Variants in CCDC38 observed in about 807,000 individuals in gnomAD.
The protein encoded by CCDC38 is coiled-coil domain containing 38.
In CCDC38, 69 loss-of-function variants were observed where a neutral mutation model predicts 72.8. That is an observed-to-expected ratio of 0.95 (90% CI 0.78 to 1.16). The LOEUF (loss-of-function observed/expected upper bound fraction) is 1.16. Ranked by LOEUF, CCDC38 falls within the 50% of genes most tolerant of loss-of-function variation. CCDC38 has a pLI of 0.00. For synonymous variants in CCDC38, 201 were observed against 213.2 expected (o/e 0.94, Z 0.50); for missense variants, 626 against 638.9 (o/e 0.98, Z 0.22).
rs573084476 is a variant in CCDC38 at position 95,883,445 on chromosome 12, C to T, written c.921-1891G>A. Reference sequence around the variant, plus strand: ...TACCCAGAATGATAAACCTGCCATTCTGAACAGAGCCAAGCTCTGTCATCT... The same window carrying T: ...TACCCAGAATGATAAACCTGCCATTTTGAACAGAGCCAAGCTCTGTCATCT... On this transcript the variant is annotated intron_variant, in intron 10 of 15. Transcript: ENST00000344280. Among the ~76,000 whole-genome samples the T allele has an allele frequency of 5.9e-5, 9 of 152,258 alleles. No individual in the cohort carries two copies. The South Asian group carries it at 1.9e-3, about 32-fold the overall frequency.
chr12:95,925,244 G>A (rs1263591738), intron 2 of CCDC38, among the ~76,000 whole-genome samples: 1 of 152,120 alleles, frequency 6.6e-6, no homozygotes, highest in East Asian at 1.9e-4. Flanking sequence ...TCTCCTTGAA[G>A]AGGTCCTTCA....
At chr12:95,911,707 A>G (rs928618963) in intron 4 of CCDC38, among the ~76,000 whole-genome samples, 2 of 152,204 alleles carry the variant, frequency 1.3e-5, no homozygotes, top group African/African-American at 4.8e-5. Flanking sequence ...TTAAAAAGTC[A>G]AAAAATAACA....
At chr12:95,937,667 T>C (rs1322570226) in intron 1 of CCDC38, among the ~76,000 whole-genome samples, 2 of 152,180 alleles carry the variant, frequency 1.3e-5, no homozygotes, top group African/African-American at 2.4e-5. Context: ...GAGCCATATA[T>C]AAGAGCTAAA....
chr12:95,893,991 C>T (rs956211522), intron 8 of CCDC38, among the ~76,000 whole-genome samples: 3 of 152,004 alleles, frequency 2.0e-5, no homozygotes, highest in Non-Finnish European at 2.9e-5. Flanking sequence ...ACGGCCGAGG[C>T]GGGCAGATCA....
chr12:95,896,368 A>G (rs1157230876), intron 7 of CCDC38: 1 of 152,180 alleles, frequency 6.6e-6, no homozygotes, highest in East Asian at 1.9e-4. Context: ...CAAAGTGGAC[A>G]AAGAGGGATG....
chr12:95,879,698 A>C lies in CCDC38; in HGVS notation c.1088T>G (p.Val363Gly). The C allele has an allele frequency of 6.2e-7, 1 of 1,607,714 alleles. No individual in the cohort carries two copies. Among genetic ancestry groups the C allele is most frequent in the Non-Finnish European group, 8.5e-7 (1 of 1,174,602 alleles). ...GTTTACCTCTTCAAGATTTTCATCT[A>C]CATCTTGGGAATATTGAAACAAAGT... ...NLTLFQYSQDVDENLEEVNKR... is the reference protein window; with the variant it reads ...NLTLFQYSQDGDENLEEVNKR... Residue 363 changes from valine (V) to glycine (G), a missense_variant, in exon 12 of 16, where the codon GTA becomes GGA. Physicochemically the swap from Val to Gly is moderately radical, Grantham distance 109. Coordinates refer to ENST00000344280, the MANE Select transcript of CCDC38 (RefSeq NM_182496.3). This position sits in a 1 kb window ranked among gnomAD's most constrained non-coding sequence, Gnocchi z 5.5.
intron 2 of CCDC38, chr12:95,933,103 A>G (rs1029093443): frequency 5.3e-5 from 8 of 152,242 alleles, no homozygotes; most frequent in Non-Finnish European, 1.2e-4. Context: ...CAAACAGTAG[A>G]ACATATAGGT....
chr12:95,921,790 A>C (rs2080212344), intron 2 of CCDC38, among the ~76,000 whole-genome samples: 1 of 151,906 alleles, frequency 6.6e-6, no homozygotes, highest in African/African-American at 2.4e-5. Flanking sequence ...CACATTCCCC[A>C]ACTCTTACCC....
chr12:95,911,304 G>T (rs530144587), intron 4 of CCDC38, among the ~76,000 whole-genome samples: 14 of 152,090 alleles, frequency 9.2e-5, no homozygotes, highest in African/African-American at 3.1e-4. Context: ...AGAAAATCTG[G>T]GACATACTCT....
intron 4 of CCDC38, among the ~76,000 whole-genome samples, chr12:95,912,471 G>T (rs1265115869): frequency 6.6e-6 from 1 of 152,130 alleles, no homozygotes; most frequent in Non-Finnish European, 1.5e-5. Flanking sequence ...GGATGGGGGT[G>T]GGGGGATAGG....
In CCDC38 at chr12:95,917,267, C is replaced by A. The variant is rs750021354; in HGVS notation, c.166G>T (p.Val56Phe). The change falls in exon 4 of 16, where the codon GTC becomes TTC. Residue 56 changes from valine to phenylalanine, a missense_variant. Coordinates refer to ENST00000344280, the MANE Select transcript of CCDC38 (RefSeq NM_182496.3). ...TEKFMNRNMK[V>F]YQKTTFSSRM... ...GATGAAAAAGTAGTTTTCTGGTAGACTTTCATGTTACGGTTCATAAATTTT... is the reference window on the plus strand; with the variant it reads ...GATGAAAAAGTAGTTTTCTGGTAGAATTTCATGTTACGGTTCATAAATTTT... 1.3e-6 allele frequency: 2 copies of A among 1,598,952 alleles called. No individual in the cohort carries two copies. The highest frequency in any genetic ancestry group is 1.7e-6 in the Non-Finnish European group (2 of 1,176,810).
intron 13 of CCDC38, among the ~76,000 whole-genome samples, chr12:95,873,546 A>C (rs1240653158): frequency 6.6e-6 from 1 of 152,148 alleles, no homozygotes; most frequent in Non-Finnish European, 1.5e-5. Context: ...GTGGTAGGTA[A>C]CTTGTCTCAG....
At chr12:95,941,766 T>C (rs2080453459) in intron 1 of CCDC38, among the ~76,000 whole-genome samples, 1 of 152,208 alleles carries the variant, frequency 6.6e-6, no homozygotes, top group Non-Finnish European at 1.5e-5. Context: ...AATATATGTA[T>C]GTATAAACTT....
At chr12:95,892,123 T>C in intron 8 of CCDC38, among the ~76,000 whole-genome samples, 1 of 146,402 alleles carries the variant, frequency 6.8e-6, no homozygotes, top group East Asian at 2.1e-4. Context: ...CTCACTCTGC[T>C]TTACTGTTTG....
intron 2 of CCDC38, among the ~76,000 whole-genome samples, chr12:95,928,198 T>C (rs986360179): frequency 6.6e-6 from 1 of 152,090 alleles, no homozygotes; most frequent in African/African-American, 2.4e-5. Flanking sequence ...GATTTGGTCT[T>C]TTCACATAGT....
intron 4 of CCDC38, among the ~76,000 whole-genome samples, chr12:95,906,659 C>T (rs2080005092): frequency 6.6e-6 from 1 of 151,946 alleles, no homozygotes; most frequent in Admixed American, 6.6e-5. Flanking sequence ...TTCCAGAAAC[C>T]TCATTAGCCA....
At chr12:95,929,089 T>C (rs1026595184) in intron 2 of CCDC38, among the ~76,000 whole-genome samples, 11 of 152,224 alleles carry the variant, frequency 7.2e-5, no homozygotes, top group Admixed American at 6.5e-4. Context: ...TCCCGGCTGC[T>C]TTGTTTACCT....
chr12:95,936,042 C>T (rs555452726), intron 2 of CCDC38, among the ~76,000 whole-genome samples: 79 of 152,098 alleles, frequency 5.2e-4, no homozygotes, highest in African/African-American at 1.9e-3. Context: ...TGCGCCAATG[C>T]ACTCCAGCTT....
Position 95,927,869 on chromosome 12 carries a change from C to T in CCDC38, c.37+8604G>A, listed in dbSNP as rs1370136074. 4.4e-4 allele frequency among the ~76,000 whole-genome samples: 66 copies of T among 149,488 alleles called. 1 individual carries two copies. The South Asian group carries it at 0.014, about 32-fold the overall frequency. On this transcript the variant is annotated intron_variant, in intron 2 of 15. Transcript: ENST00000344280. ...TTTAAGAATGTTGAATATTGGCCCC[C>T]ACTCTCTTCTGGCTTGTAGGGTTTC...
Sources: allele counts gnomAD v4.1 joint callset (sites outside exome capture counted in the v4.1 genomes callset), GRCh38; gene constraint gnomAD v4.1.1; non-coding constraint Gnocchi (gnomAD v3.1); transcripts MANE v1.5; gene names NCBI Gene and HGNC (gene_info 2026-07-23, HGNC 2026-07-21).